The following CCSAP variants were observed in gnomAD, a reference collection of about 807,000 sequenced individuals.
The protein encoded by CCSAP is centriole, cilia and spindle associated protein, also known as centriole, cilia and spindle-associated protein.
In CCSAP, 17 loss-of-function variants were observed where a neutral mutation model predicts 25.9. That is an observed-to-expected ratio of 0.66 (90% CI 0.45 to 0.99). The LOEUF (loss-of-function observed/expected upper bound fraction) is 0.99, where lower values mean the gene tolerates loss of function less well. Among genes scored for constraint, CCSAP ranks in the 50% least tolerant of loss-of-function variants. The pLI is 0.00. For synonymous variants in CCSAP, 169 were observed against 157.1 expected (o/e 1.08, Z -0.57); for missense variants, 339 against 367.8 (o/e 0.92, Z 0.64).
At position 229,341,193 on chromosome 1, in the gene CCSAP, C is replaced by CAAAAAAAAAAAAAAAAA. The variant is rs71561730; in HGVS notation, c.367+889_367+905dup. Among the ~76,000 whole-genome samples, 134 of 91,088 alleles carry CAAAAAAAAAAAAAAAAA rather than the reference C, an allele frequency of 1.5e-3. 6 individuals carry two copies. The highest frequency in any genetic ancestry group is 6.3e-3 in the African/African-American group (130 of 20,774). The allele number at this position is 91,088 out of a possible 152,430, so 59.8% of individuals were successfully genotyped here. The stretch of plus-strand genomic sequence containing the variant: ...TGGGCCACAGAGCGAGACTCCGTCT[C>CAAAAAAAAAAAAAAAAA]AAAAAAAAAAAAAAAAAAAGATTAC... On this transcript the variant is annotated intron_variant, in intron 2 of 3. Coordinates refer to ENST00000284617, the MANE Select transcript of CCSAP (RefSeq NM_145257.5).
In CCSAP at chr1:229,324,105, T is replaced by TA. The variant is rs1458431368; in HGVS notation, c.*1129dup. 6.6e-6 allele frequency: 1 copy of TA among 152,622 alleles called. No individual in the cohort carries two copies. Among genetic ancestry groups the TA allele is most frequent in the African/African-American group, 2.4e-5 (1 of 41,442 alleles). The allele number at this position is 152,622 out of a possible 1,614,324, so 9.5% of individuals were successfully genotyped here. On this transcript the variant is annotated 3_prime_UTR_variant, in exon 4 of 4. Transcript: ENST00000284617. ...CCCACACACCACCATTCTCTCCCAT[T>TA]AAAGTGTAGATAAGATCTACTGGCT...
At chr1:229,330,833 TAAA>T (rs1553304645) in intron 2 of CCSAP, among the ~76,000 whole-genome samples, 2 of 118,208 alleles carry the variant, frequency 1.7e-5, no homozygotes, top group Admixed American at 9.4e-5. Context: ...CAACTCCATC[TAAA>T]AAAAAAAAAA....
At chr1:229,327,334 A>G in intron 2 of CCSAP, 1 of 362,136 alleles carries the variant, frequency 2.8e-6, no homozygotes, top group South Asian at 2.1e-5. Context: ...GCAATCCCCC[A>G]AGATAAATCC....
intron 2 of CCSAP, among the ~76,000 whole-genome samples, chr1:229,337,929 A>G (rs530718662): frequency 2.0e-5 from 3 of 151,748 alleles, no homozygotes; most frequent in Non-Finnish European, 4.4e-5. Context: ...AGTAGAAGCA[A>G]AAAACAAAAA....
Position 229,342,079 on chromosome 1 carries a change from C to A in CCSAP, c.367+20G>T. 7.6e-7 allele frequency: 1 copy of A among 1,321,292 alleles called. No individual in the cohort carries two copies. The highest frequency in any genetic ancestry group is 2.5e-5 in the South Asian group (1 of 39,490). 81.8% of individuals were successfully genotyped at this position (1,321,292 alleles called of 1,614,324 possible). A position where few individuals can be genotyped will look rare whatever the true frequency, so the allele number is the denominator to read the frequency against. ...CGTCCCTGCGTGCAGGCCCCTCGCGCTCCCCTCCGGGCCGGGTACCTGGCA... is the reference window on the plus strand; with the variant it reads ...CGTCCCTGCGTGCAGGCCCCTCGCGATCCCCTCCGGGCCGGGTACCTGGCA... On this transcript the variant is annotated intron_variant, in intron 2 of 3. Coordinates refer to ENST00000284617, the MANE Select transcript of CCSAP (RefSeq NM_145257.5). This position sits in a 1 kb window ranked among gnomAD's most constrained non-coding sequence, Gnocchi z 7.5.
At chr1:229,329,939 C>T (rs1446052997) in intron 2 of CCSAP, among the ~76,000 whole-genome samples, 1 of 151,926 alleles carries the variant, frequency 6.6e-6, no homozygotes, top group Non-Finnish European at 1.5e-5. Context: ...TGCAGTGAGC[C>T]GAGATTGCAC....
At chr1:229,340,936 C>T (rs1658316388) in intron 2 of CCSAP, among the ~76,000 whole-genome samples, 3 of 152,194 alleles carry the variant, frequency 2.0e-5, no homozygotes, top group Admixed American at 2.0e-4. Context: ...TGGCTCACTC[C>T]TGTAATCCCA....
At chr1:229,340,111 A>G (rs1167743036) in intron 2 of CCSAP, among the ~76,000 whole-genome samples, 7 of 152,214 alleles carry the variant, frequency 4.6e-5, no homozygotes, top group South Asian at 2.1e-4. Flanking sequence ...CTATGGCTTC[A>G]GGGAAAGTAA....
chr1:229,332,875 T>C (rs1658101991), intron 2 of CCSAP, among the ~76,000 whole-genome samples: 1 of 152,154 alleles, frequency 6.6e-6, no homozygotes, highest in Admixed American at 6.5e-5. Flanking sequence ...GTACTGAACA[T>C]CTGATTTTTC....
Position 229,325,134 on chromosome 1 carries a change from G to A in CCSAP, c.*101C>T. 1 of 1,181,224 alleles carries A rather than the reference G, an allele frequency of 8.5e-7. No individual in the cohort carries two copies. The highest frequency in any genetic ancestry group is 1.2e-6 in the Non-Finnish European group (1 of 849,930). The allele number at this position is 1,181,224 out of a possible 1,614,324, so 73.2% of individuals were successfully genotyped here. Reference sequence around the variant, plus strand: ...TAAAAAAAACCTTGCATAATCAGTTGGTTTCTTAAACCTGTGTCCGTTTCT... The same window carrying A: ...TAAAAAAAACCTTGCATAATCAGTTAGTTTCTTAAACCTGTGTCCGTTTCT... On this transcript the variant is annotated 3_prime_UTR_variant, in exon 4 of 4. Coordinates refer to ENST00000284617, the MANE Select transcript of CCSAP (RefSeq NM_145257.5).
intron 2 of CCSAP, chr1:229,327,513 G>C (rs1250978647): frequency 8.8e-6 from 4 of 456,070 alleles, no homozygotes; most frequent in Non-Finnish European, 1.8e-5. Flanking sequence ...CGCACAACAG[G>C]GAGTGATTTC....
chr1:229,326,614 C>T (rs775051346), intron 3 of CCSAP, 124 bp downstream of exon 3: 153 of 1,122,890 alleles, frequency 1.4e-4, no homozygotes, highest in Non-Finnish European at 1.9e-4. Flanking sequence ...ACCATGCTAT[C>T]CCCTAAGATC....
chr1:229,325,457 T>C (rs376862814), intron 3 of CCSAP, 46 bp from the exon 4 acceptor site: 6 of 1,566,996 alleles, frequency 3.8e-6, no homozygotes, highest in Non-Finnish European at 5.2e-6. Context: ...GGGGCTATTA[T>C]ACTAATGTTC....
In CCSAP at chr1:229,324,272, T is replaced by A. The variant is rs1190223693; in HGVS notation, c.*963A>T. On this transcript the variant is annotated 3_prime_UTR_variant, in exon 4 of 4. Coordinates refer to ENST00000284617, the MANE Select transcript of CCSAP (RefSeq NM_145257.5). ...ACAGGCATCTTCACACTGGTCCCCATCCCAGTGGAACAAGCAATGCCAATG... is the reference window on the plus strand; with the variant it reads ...ACAGGCATCTTCACACTGGTCCCCAACCCAGTGGAACAAGCAATGCCAATG... 2.0e-5 allele frequency: 3 copies of A among 152,382 alleles called. No individual in the cohort carries two copies. Among genetic ancestry groups the A allele is most frequent in the Non-Finnish European group, 4.4e-5 (3 of 68,010 alleles). 9.4% of individuals were successfully genotyped at this position (152,382 alleles called of 1,614,324 possible).
chr1:229,342,454 C>G lies in CCSAP; in HGVS notation c.12G>C (p.Gly4=). The G allele has an allele frequency of 7.3e-7, 1 of 1,369,972 alleles. No individual in the cohort carries two copies. The highest frequency in any genetic ancestry group is 9.5e-7 in the Non-Finnish European group (1 of 1,055,660). The allele number at this position is 1,369,972 out of a possible 1,614,324, so 84.9% of individuals were successfully genotyped here. A position where few individuals can be genotyped will look rare whatever the true frequency, so the allele number is the denominator to read the frequency against. The change falls in exon 2 of 4, where the codon GGG becomes GGC. Residue 4 remains glycine, a synonymous_variant. Transcript: ENST00000284617. This position sits in a 1 kb window ranked among gnomAD's most constrained non-coding sequence, Gnocchi z 7.5. MSP[G]SGVKSEYMKR... is the part of the protein sequence containing the mutation. ...TCATGTACTCGCTCTTCACCCCGCTCCCCGGGGACATGGTGCCGTCCGCCG... is the reference window on the plus strand; with the variant it reads ...TCATGTACTCGCTCTTCACCCCGCTGCCCGGGGACATGGTGCCGTCCGCCG...
At chr1:229,328,232 G>A (rs2102692406) in intron 2 of CCSAP, among the ~76,000 whole-genome samples, 1 of 152,334 alleles carries the variant, frequency 6.6e-6, no homozygotes, top group Admixed American at 6.5e-5. Context: ...AGGTGCCCCA[G>A]TTGTTTAGGC....
At position 229,342,211 on chromosome 1, in the gene CCSAP, T is replaced by C. The variant is rs1320416086; in HGVS notation, c.255A>G (p.Val85=). ...RCAPPSPPPP[V]EPATQEEAER... is the part of the protein sequence containing the mutation. ...CCGCCTCCTCCTGGGTCGCCGGCTC[T>C]ACGGGCGGCGGGGGCGAGGGCGGGG... Residue 85 remains valine, a synonymous_variant, in exon 2 of 4, where the codon GTA becomes GTG. Transcript: ENST00000284617. The surrounding 1 kb of genome is among the most constrained non-coding windows in gnomAD (Gnocchi z 7.5). The C allele has an allele frequency of 2.4e-6, 3 of 1,254,640 alleles. No individual in the cohort carries two copies. Among genetic ancestry groups the C allele is most frequent in the Non-Finnish European group, 3.0e-6 (3 of 1,002,308 alleles). 77.7% of individuals were successfully genotyped at this position (1,254,640 alleles called of 1,614,324 possible).
At chr1:229,340,179 C>G (rs1658297286) in intron 2 of CCSAP, among the ~76,000 whole-genome samples, 1 of 152,082 alleles carries the variant, frequency 6.6e-6, no homozygotes, top group African/African-American at 2.4e-5. Context: ...TATTTAAAAC[C>G]ATCCACTTAA....
At chr1:229,338,535 C>A (rs897740968) in intron 2 of CCSAP, among the ~76,000 whole-genome samples, 1 of 127,042 alleles carries the variant, frequency 7.9e-6, no homozygotes, top group Non-Finnish European at 1.6e-5. Context: ...ACCCCCAAAC[C>A]CCAACACACA....
Sources: allele counts gnomAD v4.1 joint callset (sites outside exome capture counted in the v4.1 genomes callset), GRCh38; gene constraint gnomAD v4.1.1; non-coding constraint Gnocchi (gnomAD v3.1); transcripts MANE v1.5; gene names NCBI Gene and HGNC (gene_info 2026-07-23, HGNC 2026-07-21).